The following STX8 variants were observed in gnomAD, a reference collection of about 807,000 sequenced individuals.
STX8 encodes the protein syntaxin 8.
In STX8, 23 loss-of-function variants were observed where a neutral mutation model predicts 37.5. That is an observed-to-expected ratio of 0.61 (90% CI 0.44 to 0.87). The LOEUF (loss-of-function observed/expected upper bound fraction) is 0.87. STX8 is among the 40% of genes least tolerant of loss of function. The pLI is 0.00. For missense variants in STX8, 313 were observed against 284.7 expected (o/e 1.10, Z -0.71); for synonymous variants, 115 against 99.1 (o/e 1.16, Z -0.95).
chr17:9,462,553 C>G (rs1356324645), intron 6 of STX8, among the ~76,000 whole-genome samples: 1 of 152,114 alleles, frequency 6.6e-6, no homozygotes, highest in Non-Finnish European at 1.5e-5. Flanking sequence ...GAAACCCTGT[C>G]TCTACTAAAA....
intron 7 of STX8, among the ~76,000 whole-genome samples, chr17:9,373,950 A>AAAAAT (rs1911498910): frequency 1.3e-5 from 2 of 151,880 alleles, no homozygotes; most frequent in African/African-American, 4.8e-5. Flanking sequence ...AAAAAAAAAA[A>AAAAAT]AAAAAAGTTC....
rs556328108 is a variant in STX8 at position 9,273,587 on chromosome 17, T to C, written c.644-22942A>G. Among the ~76,000 whole-genome samples the C allele has an allele frequency of 2.0e-5, 3 of 152,344 alleles. No individual in the cohort carries two copies. The South Asian group carries it at 6.2e-4, about 32-fold the overall frequency. On this transcript the variant is annotated intron_variant, in intron 7 of 7. Coordinates refer to ENST00000306357, the MANE Select transcript of STX8 (RefSeq NM_004853.3). ...TTCAGCTCCTGCCGGGGGTGGGAAG[T>C]AGAGCTCGTCCCACATCCTTTCCTC...
At chr17:9,421,411 AAT>A (rs1491421278) in intron 6 of STX8, among the ~76,000 whole-genome samples, 3,426 of 129,924 alleles carry the variant, frequency 0.026, 44 homozygotes, top group African/African-American at 0.12. Flanking sequence ...AAAAAAAAAA[AAT>A]TTTTTTTTTT....
At chr17:9,535,215 C>G (rs1016061812) in intron 4 of STX8, among the ~76,000 whole-genome samples, 3 of 151,830 alleles carry the variant, frequency 2.0e-5, no homozygotes, top group Non-Finnish European at 2.9e-5. Context: ...TAAAACTCTA[C>G]TAAGATATTA....
At chr17:9,436,318 T>G (rs1157633996) in intron 6 of STX8, among the ~76,000 whole-genome samples, 1 of 150,870 alleles carries the variant, frequency 6.6e-6, no homozygotes, top group East Asian at 2.0e-4. Flanking sequence ...GCGCTCCAGC[T>G]TGGGCGCAAC....
intron 7 of STX8, among the ~76,000 whole-genome samples, chr17:9,336,905 G>A (rs1034344756): frequency 2.0e-5 from 3 of 152,220 alleles, no homozygotes; most frequent in African/African-American, 7.2e-5. Flanking sequence ...AGAAGTGGGT[G>A]CAGGAGAAAT....
chr17:9,271,060 A>G (rs1907438053), intron 7 of STX8, among the ~76,000 whole-genome samples: 1 of 152,216 alleles, frequency 6.6e-6, no homozygotes, highest in Non-Finnish European at 1.5e-5. Flanking sequence ...TCAAGACATT[A>G]CCAAAAATCA....
chr17:9,469,761 A>T (rs1380014405), intron 6 of STX8: 4 of 152,304 alleles, frequency 2.6e-5, no homozygotes, highest in South Asian at 2.1e-4. Flanking sequence ...ACCCCTAGAG[A>T]TGGCCAAGTT....
In STX8 at chr17:9,309,062, C is replaced by G. The variant is rs115047129; in HGVS notation, c.644-58417G>C. The stretch of plus-strand genomic sequence containing the variant: ...GCTTATTCTTTAAATTCTGACTTGA[C>G]TAATAAGGGGGGTAAGGGGTGGCAA... On this transcript the variant is annotated intron_variant, in intron 7 of 7. Transcript: ENST00000306357. 4.6e-3 allele frequency among the ~76,000 whole-genome samples: 683 copies of G among 149,872 alleles called. 5 individuals are homozygous for G. The highest frequency in any genetic ancestry group is 0.016 in the African/African-American group (642 of 40,634).
rs183312546 is a variant in STX8, at chr17:9,470,762, T to C, written c.541+21067A>G. On this transcript the variant is annotated intron_variant, in intron 6 of 7. Coordinates refer to ENST00000306357, the MANE Select transcript of STX8 (RefSeq NM_004853.3). ...CTTTTTTTGAGACAGAGTCTCACTC[T>C]GTCTCCCAGGCTGGAGTGCAGTGGC... is the stretch of plus-strand genomic sequence containing the variant. Among the ~76,000 whole-genome samples, 6 of 152,290 alleles carry C rather than the reference T, an allele frequency of 3.9e-5. No individual in the cohort carries two copies. In the East Asian group the frequency reaches 1.2e-3, roughly 29 times the overall value.
chr17:9,473,953 G>A (rs937715334), intron 6 of STX8, among the ~76,000 whole-genome samples: 5 of 152,186 alleles, frequency 3.3e-5, no homozygotes, highest in Non-Finnish European at 4.4e-5. Context: ...ATGGCTAGAG[G>A]GCTGGAACTT....
intron 6 of STX8, among the ~76,000 whole-genome samples, chr17:9,380,254 G>GTTTTTTTTTTT (rs34806016): frequency 3.4e-5 from 3 of 89,444 alleles, no homozygotes; most frequent in African/African-American, 1.4e-4. Flanking sequence ...ATTTCTGTGT[G>GTTTTTTTTTTT]TTTTTTTTTT....
In STX8 at chr17:9,522,899, T is replaced by C. The variant is rs576081801; in HGVS notation, c.324-17737A>G. Among the ~76,000 whole-genome samples the C allele has an allele frequency of 1.1e-4, 17 of 152,196 alleles. No individual in the cohort carries two copies. In the East Asian group the frequency reaches 3.3e-3, roughly 29 times the overall value. On this transcript the variant is annotated intron_variant, in intron 4 of 7. Transcript: ENST00000306357. ...CAGCAAATGATAATTTACAGTTTTTTGAATAGCTAGAAGAGAGGATTATGA... is the reference window on the plus strand; with the variant it reads ...CAGCAAATGATAATTTACAGTTTTTCGAATAGCTAGAAGAGAGGATTATGA...
chr17:9,343,090 G>A (rs1038110243), intron 7 of STX8, among the ~76,000 whole-genome samples: 7 of 151,594 alleles, frequency 4.6e-5, no homozygotes, highest in African/African-American at 1.2e-4. Context: ...GCTGGAGCCA[G>A]GAGATGGAGA....
Position 9,265,123 on chromosome 17 carries a change from GAAAA to G in STX8, c.644-14482_644-14479del, listed in dbSNP as rs61526336. Among the ~76,000 whole-genome samples the G allele has an allele frequency of 8.2e-3, 597 of 72,562 alleles. 1 individual carries two copies. Among genetic ancestry groups the G allele is most frequent in the Non-Finnish European group, 0.014 (475 of 34,100 alleles). 47.6% of individuals were successfully genotyped at this position (72,562 alleles called of 152,430 possible). On this transcript the variant is annotated intron_variant, in intron 7 of 7. Coordinates refer to ENST00000306357, the MANE Select transcript of STX8 (RefSeq NM_004853.3). ...GAGAGAACAAGACCCAGTCTGAAAA[GAAAA>G]AAAAAAAAAAAAAAAAGCTGTCACC...
chr17:9,516,298 C>CAT (rs150682084), intron 4 of STX8, among the ~76,000 whole-genome samples: 3,124 of 50,924 alleles, frequency 0.061, 228 homozygotes, highest in Non-Finnish European at 0.077. Context: ...GAACCACAGT[C>CAT]ATATATATAT....
chr17:9,349,568 C>T (rs1910639560), intron 7 of STX8, among the ~76,000 whole-genome samples: 1 of 152,054 alleles, frequency 6.6e-6, no homozygotes. Context: ...GCGATCCACC[C>T]GCCTTGGCCT....
chr17:9,302,879 A>C (rs57851911), intron 7 of STX8, among the ~76,000 whole-genome samples: 1 of 151,684 alleles, frequency 6.6e-6, no homozygotes, highest in African/African-American at 2.4e-5. Context: ...GGAAAGATTC[A>C]GTATTTTTAT....
chr17:9,449,144 C>G (rs1486626123), intron 6 of STX8, among the ~76,000 whole-genome samples: 1 of 152,248 alleles, frequency 6.6e-6, no homozygotes, highest in African/African-American at 2.4e-5. Flanking sequence ...TACTCCTAGG[C>G]AGGATTACCC....
Sources: allele counts gnomAD v4.1 joint callset (sites outside exome capture counted in the v4.1 genomes callset), GRCh38; gene constraint gnomAD v4.1.1; transcripts MANE v1.5; gene names NCBI Gene and HGNC (gene_info 2026-07-23, HGNC 2026-07-21).